DNM1L: variants seen among roughly 807,000 people sequenced by gnomAD.
DNM1L encodes the protein dynamin-1-like protein.
In DNM1L, 33 loss-of-function variants were observed where a neutral mutation model predicts 92.8. The observed-to-expected ratio is 0.36, with a 90% CI of 0.27 to 0.48. DNM1L has a LOEUF of 0.48. Ranked by LOEUF, DNM1L falls within the 20% of genes least tolerant of loss-of-function variation. The probability of loss-of-function intolerance (pLI) is 0.99; values close to 1 mark genes in which losing one functional copy is unlikely to be tolerated. For synonymous variants in DNM1L, 284 were observed against 305.0 expected, an observed-to-expected ratio of 0.93 and a Z score of 0.72; for missense variants, 485 against 888.8, an observed-to-expected ratio of 0.55 and a Z score of 5.78.
At chr12:32,729,408 C>A (rs376836253) in intron 9 of DNM1L, among the ~76,000 whole-genome samples, 1 of 152,164 alleles carries the variant, frequency 6.6e-6, no homozygotes, top group African/African-American at 2.4e-5. Flanking sequence ...AGCAATTACT[C>A]ATTCCCCTCT....
chr12:32,688,926 G>A (rs1952126602), intron 1 of DNM1L, among the ~76,000 whole-genome samples: 1 of 152,180 alleles, frequency 6.6e-6, no homozygotes, highest in Non-Finnish European at 1.5e-5. Context: ...AGCCAAGTGT[G>A]GTGGCCTGTG....
At chr12:32,679,636 C>A in intron 1 of DNM1L, 171 bp downstream of exon 1, 1 of 1,331,050 alleles carries the variant, frequency 7.5e-7, no homozygotes, top group Non-Finnish European at 9.6e-7. Context: ...GCCGCACCCG[C>A]CCTCCCGGGG....
intron 9 of DNM1L, 28 bp downstream of exon 9, chr12:32,722,661 G>C: frequency 6.4e-7 from 1 of 1,567,416 alleles, no homozygotes. Flanking sequence ...CTGTAGATTT[G>C]GTTACCTAGA....
chr12:32,706,984 A>G (rs1033548999), intron 2 of DNM1L: 5 of 213,984 alleles, frequency 2.3e-5, no homozygotes, highest in Non-Finnish European at 3.7e-5. Context: ...TATTTTCGTC[A>G]GAAAACTGCT....
At position 32,737,928 on chromosome 12, in the gene DNM1L, G is replaced by A. The variant is rs757559862; in HGVS notation, c.1660G>A (p.Glu554Lys). ...GGAGCCCTCCCCCGCTGCTTCTGCTGAGGCTGATGGCAAGGTCTGTTCTGA... is the reference window on the plus strand; with the variant it reads ...GGAGCCCTCCCCCGCTGCTTCTGCTAAGGCTGATGGCAAGGTCTGTTCTGA... The part of the protein sequence containing the change: ...SQEPSPAASA[E>K]ADGKLIQDSR... Residue 554 changes from glutamate (E) to lysine (K), a missense_variant, in exon 15 of 20, where the codon GAG becomes AAG. Physicochemically the swap from Glu to Lys is moderately conservative, Grantham distance 56. Transcript: ENST00000549701. 2 of 1,613,900 alleles carry A rather than the reference G, an allele frequency of 1.2e-6. No individual in the cohort carries two copies. Among genetic ancestry groups the A allele is most frequent in the East Asian group, 2.2e-5 (1 of 44,860 alleles).
Position 32,731,192 on chromosome 12 carries a change from C to T in DNM1L, c.1200+58C>T. ...AAAATGAGGTTAAAGTTTTTCTTACCCATATACTGTGTCTTTTTAAATTTA... is the reference window on the plus strand; with the variant it reads ...AAAATGAGGTTAAAGTTTTTCTTACTCATATACTGTGTCTTTTTAAATTTA... On this transcript the variant is annotated intron_variant, in intron 10 of 19. Transcript: ENST00000549701. The surrounding 1 kb of genome is among the most constrained non-coding windows in gnomAD (Gnocchi z 5.1). 6.2e-7 allele frequency: 1 copy of T among 1,607,624 alleles called. No individual in the cohort carries two copies. The highest frequency in any genetic ancestry group is 2.2e-5 in the East Asian group (1 of 44,808).
chr12:32,730,962 T>C lies in DNM1L; in HGVS notation c.1080-52T>C, dbSNP rs1317284232. 2.5e-6 allele frequency: 4 copies of C among 1,611,336 alleles called. No individual in the cohort carries two copies. In the East Asian group the frequency reaches 8.9e-5, roughly 36 times the overall value. Reference sequence around the variant, plus strand: ...CTTCTAGAAAGACTTCTAACTTGTATCTTCTTTCCCTTTTTGCAATGCCAG... The same window carrying C: ...CTTCTAGAAAGACTTCTAACTTGTACCTTCTTTCCCTTTTTGCAATGCCAG... On this transcript the variant is annotated intron_variant, in intron 9 of 19. Transcript: ENST00000549701.
At chr12:32,742,564 T>C (rs1955383738) in intron 18 of DNM1L, 25 bp from the exon 19 acceptor site, 2 of 1,613,888 alleles carry the variant, frequency 1.2e-6, no homozygotes, top group Non-Finnish European at 1.7e-6. Flanking sequence ...TGGCTAAAAT[T>C]CCATAATTTG....
chr12:32,687,558 T>G (rs1952067529), intron 1 of DNM1L, among the ~76,000 whole-genome samples: 1 of 152,098 alleles, frequency 6.6e-6, no homozygotes, highest in Admixed American at 6.6e-5. Flanking sequence ...TTCTTCTGCC[T>G]CATCCTCCCA....
In DNM1L at chr12:32,742,627, TG is replaced by T. The variant is rs746297151; in HGVS notation, c.2034del (p.Asp680ThrfsTer7). The stretch of plus-strand genomic sequence containing the variant: ...GTAATGCATTTTTTGGTTAATCATG[TG>T]AAAGACACTCTTCAGAGTGAGCTAG... ...KAVMHFLVNHVKDTLQSELVG... is the reference protein window; with the variant it reads ...KAVMHFLVNHXKDTLQSELVG... On this transcript the variant is annotated frameshift_variant, in exon 19 of 20. Coordinates refer to ENST00000549701, the MANE Select transcript of DNM1L (RefSeq NM_012062.5). LOFTEE classifies it high-confidence loss of function. The T allele has an allele frequency of 6.2e-7, 1 of 1,614,094 alleles. No individual in the cohort carries two copies. The highest frequency in any genetic ancestry group is 8.5e-7 in the Non-Finnish European group (1 of 1,179,996).
chr12:32,710,363 A>T (rs1237635583), intron 4 of DNM1L, among the ~76,000 whole-genome samples: 1 of 152,208 alleles, frequency 6.6e-6, no homozygotes, highest in Non-Finnish European at 1.5e-5. Context: ...TGAGGAATAC[A>T]TTATTCTTTT....
chr12:32,726,281 C>T, intron 9 of DNM1L: 4 of 987,902 alleles, frequency 4.0e-6, no homozygotes, highest in South Asian at 1.4e-5. Flanking sequence ...CAAAAATTAC[C>T]CAGTCTACCA....
chr12:32,714,103 C>T (rs981808852), intron 6 of DNM1L, among the ~76,000 whole-genome samples: 2 of 152,020 alleles, frequency 1.3e-5, no homozygotes, highest in African/African-American at 2.4e-5. Context: ...TGCATGGCCT[C>T]ATATAGAAAC....
At chr12:32,703,880 G>A (rs1269004366) in intron 2 of DNM1L, among the ~76,000 whole-genome samples, 1 of 152,080 alleles carries the variant, frequency 6.6e-6, no homozygotes, top group African/African-American at 2.4e-5. Context: ...TGTCAACTGT[G>A]GGATAACTGA....
At chr12:32,704,607 G>T (rs142673633) in intron 2 of DNM1L, among the ~76,000 whole-genome samples, 1 of 151,652 alleles carries the variant, frequency 6.6e-6, no homozygotes, top group Non-Finnish European at 1.5e-5. Flanking sequence ...TAAAATCTTG[G>T]TATAATTTGA....
chr12:32,724,618 A>G (rs1592641704), intron 9 of DNM1L, among the ~76,000 whole-genome samples: 1 of 137,350 alleles, frequency 7.3e-6, no homozygotes, highest in African/African-American at 2.7e-5. Flanking sequence ...ATATATATAT[A>G]TAAATTATAT....
intron 6 of DNM1L, among the ~76,000 whole-genome samples, chr12:32,716,244 G>GA (rs969793164): frequency 1.3e-5 from 2 of 150,842 alleles, no homozygotes; most frequent in Non-Finnish European, 2.9e-5. Context: ...AAATTTGGTG[G>GA]GGGGGGGTGG....
intron 1 of DNM1L, among the ~76,000 whole-genome samples, chr12:32,682,577 G>A (rs546893380): frequency 2.8e-4 from 42 of 152,224 alleles, no homozygotes; most frequent in African/African-American, 9.1e-4. Flanking sequence ...TGAATCATTG[G>A]ATTTTAAAAT....
chr12:32,711,974 TC>T (rs1248513026), intron 5 of DNM1L, among the ~76,000 whole-genome samples: 1 of 152,158 alleles, frequency 6.6e-6, no homozygotes, highest in Non-Finnish European at 1.5e-5. Context: ...ACATTCCACT[TC>T]CTGCCAGCAA....
Sources: allele counts gnomAD v4.1 joint callset (sites outside exome capture counted in the v4.1 genomes callset), GRCh38; gene constraint gnomAD v4.1.1; non-coding constraint Gnocchi (gnomAD v3.1); transcripts MANE v1.5; gene names NCBI Gene and HGNC (gene_info 2026-07-23, HGNC 2026-07-21).